Variants in TMEM178B observed in about 807,000 individuals in gnomAD.
The protein encoded by TMEM178B is transmembrane protein 178B.
Under a neutral mutation model 31.0 loss-of-function variants are expected in TMEM178B, and 5 were observed. The ratio of observed to expected loss-of-function variants is 0.16; its 90% CI spans 0.08 to 0.34. TMEM178B has a LOEUF of 0.34. Ranked by LOEUF, TMEM178B falls within the 10% of genes least tolerant of loss-of-function variation. The probability of loss-of-function intolerance (pLI) is 1.00; values close to 1 mark genes in which losing one functional copy is unlikely to be tolerated. For missense variants in TMEM178B, 275 were observed against 400.3 expected, an observed-to-expected ratio of 0.69 and a Z score of 2.67; for synonymous variants, 164 against 164.0, an observed-to-expected ratio of 1.00 and a Z score of 0.00.
At chr7:141,313,737 G>A (rs1177119231) in intron 2 of TMEM178B, among the ~76,000 whole-genome samples, 1 of 150,388 alleles carries the variant, frequency 6.6e-6, no homozygotes, top group African/African-American at 2.4e-5. Flanking sequence ...GCAGAATGGA[G>A]ATGTGGCTTC....
At chr7:141,207,072 A>G (rs1182270881) in intron 1 of TMEM178B, among the ~76,000 whole-genome samples, 4 of 152,174 alleles carry the variant, frequency 2.6e-5, no homozygotes, top group Non-Finnish European at 5.9e-5. Flanking sequence ...ACTTAGCATA[A>G]TGTCTAGGTT....
chr7:141,383,755 A>G (rs1800374431), intron 2 of TMEM178B, among the ~76,000 whole-genome samples: 1 of 152,170 alleles, frequency 6.6e-6, no homozygotes, highest in African/African-American at 2.4e-5. Flanking sequence ...GGTGGGTCAA[A>G]TGGTATTTCT....
intron 2 of TMEM178B, among the ~76,000 whole-genome samples, chr7:141,292,885 G>T (rs190943701): frequency 6.6e-6 from 1 of 152,002 alleles, no homozygotes; most frequent in African/African-American, 2.4e-5. Flanking sequence ...TGATCTGCCC[G>T]CATCAGCCTC....
At chr7:141,467,933 A>G (rs1345290354) in intron 3 of TMEM178B, among the ~76,000 whole-genome samples, 1 of 148,090 alleles carries the variant, frequency 6.8e-6, no homozygotes, top group Admixed American at 7.0e-5. Flanking sequence ...GGGATTGTCT[A>G]TTTTACTGCC....
the TMEM178B span, among the ~76,000 whole-genome samples, chr7:141,508,168 C>G: frequency 2.0e-5 from 3 of 152,280 alleles, no homozygotes; most frequent in South Asian, 6.2e-4. Flanking sequence ...ACTTCTTCTG[C>G]CAGACACCCT....
At chr7:141,138,854 C>T (rs1039562857) in intron 1 of TMEM178B, among the ~76,000 whole-genome samples, 3 of 151,728 alleles carry the variant, frequency 2.0e-5, no homozygotes, top group South Asian at 2.1e-4. Context: ...TGTGGTGGCA[C>T]GTGCCTGTAA....
intron 3 of TMEM178B, among the ~76,000 whole-genome samples, chr7:141,460,825 C>T (rs1802046997): frequency 6.6e-6 from 1 of 152,140 alleles, no homozygotes; most frequent in African/African-American, 2.4e-5. Context: ...GATTTTTGCC[C>T]CAACTCAGAG....
At chr7:141,136,642 C>T (rs1463383006) in intron 1 of TMEM178B, among the ~76,000 whole-genome samples, 1 of 152,008 alleles carries the variant, frequency 6.6e-6, no homozygotes, top group Non-Finnish European at 1.5e-5. Flanking sequence ...GATTAATATC[C>T]AGAATATATA....
intron 1 of TMEM178B, among the ~76,000 whole-genome samples, chr7:141,184,997 C>T (rs925429585): frequency 2.6e-5 from 4 of 152,182 alleles, no homozygotes; most frequent in Non-Finnish European, 5.9e-5. Context: ...TAAAGCTCAG[C>T]GCAGTTGAAA....
chr7:141,505,924 G>A, the TMEM178B span, among the ~76,000 whole-genome samples: 1 of 152,202 alleles, frequency 6.6e-6, no homozygotes, highest in Non-Finnish European at 1.5e-5. Flanking sequence ...CAATGGCTGT[G>A]TCAGCTTCCA....
chr7:141,448,928 T>A (rs1801811673), intron 3 of TMEM178B, among the ~76,000 whole-genome samples: 1 of 151,460 alleles, frequency 6.6e-6, no homozygotes, highest in Non-Finnish European at 1.5e-5. Flanking sequence ...AGGAGGAGGG[T>A]GAACAGGAGG....
chr7:141,244,981 T>C (rs1212468928), intron 2 of TMEM178B, among the ~76,000 whole-genome samples: 1 of 150,390 alleles, frequency 6.6e-6, no homozygotes, highest in Non-Finnish European at 1.5e-5. Context: ...CTACTAAAAA[T>C]ACAAAATTTA....
intron 2 of TMEM178B, among the ~76,000 whole-genome samples, chr7:141,394,076 T>A (rs1312675046): frequency 6.6e-6 from 1 of 152,176 alleles, no homozygotes; most frequent in African/African-American, 2.4e-5. Flanking sequence ...GAGGTCCTGA[T>A]GACGTGCAGT....
At chr7:141,205,914 C>T (rs4726416) in intron 1 of TMEM178B, among the ~76,000 whole-genome samples, 97,289 of 152,048 alleles carry the variant, frequency 0.64, 31,723 homozygotes, top group Middle Eastern at 0.7. Flanking sequence ...TCTCTGGCAC[C>T]CTCCCTTCCT....
At chr7:141,442,674 T>C (rs757769611) in intron 3 of TMEM178B, among the ~76,000 whole-genome samples, 11 of 152,216 alleles carry the variant, frequency 7.2e-5, no homozygotes, top group Non-Finnish European at 8.8e-5. Context: ...TGTGGATGGC[T>C]CATTTTTCCA....
At position 141,074,412 on chromosome 7, in the gene TMEM178B, G is replaced by A. The variant is rs1270012430; in HGVS notation, c.102G>A (p.Thr34=). 1 of 1,536,144 alleles carries A rather than the reference G, an allele frequency of 6.5e-7. No homozygotes were observed. The highest frequency in any genetic ancestry group is 8.7e-7 in the Non-Finnish European group (1 of 1,146,870). ...TCTGCTCGGACCACTGGTACGAGAC[G>A]GACGCCAGGAAGCACAGGGACAGGT... ...VAICSDHWYE[T]DARKHRDRCK... is the part of the protein sequence containing the mutation. Residue 34 remains threonine, a synonymous_variant, in exon 1 of 4, where the codon ACG becomes ACA. Transcript: ENST00000565468. This position sits in a 1 kb window ranked among gnomAD's most constrained non-coding sequence, Gnocchi z 5.1.
At chr7:141,497,434 C>G in the TMEM178B span, among the ~76,000 whole-genome samples, 2 of 152,148 alleles carry the variant, frequency 1.3e-5, no homozygotes, top group African/African-American at 4.8e-5. Context: ...TGTGATTTTC[C>G]GTTACTTTGT....
chr7:141,367,044 G>A lies in TMEM178B; in HGVS notation c.497-70564G>A, dbSNP rs374982338. 1.5e-4 allele frequency among the ~76,000 whole-genome samples: 21 copies of A among 141,562 alleles called. No individual in the cohort carries two copies. The South Asian group carries it at 4.9e-3, about 33-fold the overall frequency. The allele number at this position is 141,562 out of a possible 152,430, so 92.9% of individuals were successfully genotyped here. ...TTATGTCCCTCCGTTGTTTGTTGAG[G>A]GATTGTGCTGCTGCCATTCAGGGGG... is the stretch of plus-strand genomic sequence containing the variant. On this transcript the variant is annotated intron_variant, in intron 2 of 3. Coordinates refer to ENST00000565468, the MANE Select transcript of TMEM178B (RefSeq NM_001195278.2).
At chr7:141,178,598 A>T (rs144350624) in intron 1 of TMEM178B, among the ~76,000 whole-genome samples, 1 of 152,320 alleles carries the variant, frequency 6.6e-6, no homozygotes, top group East Asian at 1.9e-4. Flanking sequence ...TGTTTTAGCC[A>T]TGATTTAAAG....
Sources: gnomAD v4.1 joint callset for allele counts (sites outside exome capture counted in the v4.1 genomes callset) on GRCh38, gnomAD v4.1.1 for gene constraint, Gnocchi (gnomAD v3.1) non-coding constraint, MANE v1.5 for transcripts, NCBI Gene and HGNC (gene_info 2026-07-23, HGNC 2026-07-21) for gene names.